PFDN2: variants seen among roughly 807,000 people sequenced by gnomAD.
The protein encoded by PFDN2 is prefoldin 2.
PFDN2 carries 7 observed loss-of-function variants against 18.3 expected under a neutral mutation model. The observed-to-expected ratio is 0.38, with a 90% CI of 0.22 to 0.72. PFDN2 has a LOEUF of 0.72. Among genes scored for constraint, PFDN2 ranks in the 30% least tolerant of loss-of-function variants. PFDN2 has a pLI of 0.47. For missense variants in PFDN2, 181 were observed against 199.1 expected (o/e 0.91, Z 0.55); for synonymous variants, 76 against 75.0 (o/e 1.01, Z -0.07).
At chr1:161,100,908 C>A in intron 3 of PFDN2, 49 bp from the exon 4 acceptor site, 1 of 1,415,272 alleles carries the variant, frequency 7.1e-7, no homozygotes. Context: ...GACTCCTTTC[C>A]CCCACCTGGA....
chr1:161,101,923 T>G, intron 3 of PFDN2, 125 bp downstream of exon 3: 1 of 877,806 alleles, frequency 1.1e-6, no homozygotes. Flanking sequence ...TGTAGTGATA[T>G]GGTTTCACCA....
intron 1 of PFDN2, among the ~76,000 whole-genome samples, chr1:161,116,426 A>G (rs1220127663): frequency 6.7e-6 from 1 of 149,094 alleles, no homozygotes; most frequent in Non-Finnish European, 1.5e-5. Context: ...AGGCACCAGA[A>G]TCTCTTGAAC....
In PFDN2 at chr1:161,101,446, G is replaced by A. The variant is rs532758484; in HGVS notation, c.289-587C>T. Reference sequence around the variant, plus strand: ...GACCTCCTGACCTCGTGATCCGCCCGCCTCGGCCTCCCAAAGTGCTGGGAT... The same window carrying A: ...GACCTCCTGACCTCGTGATCCGCCCACCTCGGCCTCCCAAAGTGCTGGGAT... On this transcript the variant is annotated intron_variant, in intron 3 of 3. Transcript: ENST00000368010. Among the ~76,000 whole-genome samples the A allele has an allele frequency of 9.2e-5, 14 of 152,176 alleles. No homozygotes were observed. The East Asian group carries it at 1.2e-3, about 13-fold the overall frequency.
At chr1:161,110,589 C>G (rs1654783000) in intron 1 of PFDN2, among the ~76,000 whole-genome samples, 1 of 152,010 alleles carries the variant, frequency 6.6e-6, no homozygotes, top group African/African-American at 2.4e-5. Flanking sequence ...GTCCTAGGGT[C>G]TTCTTACATG....
intron 1 of PFDN2, among the ~76,000 whole-genome samples, chr1:161,110,876 G>A (rs1274433379): frequency 8.4e-6 from 1 of 118,596 alleles, no homozygotes; most frequent in East Asian, 2.6e-4. Context: ...GTCTCGCTCT[G>A]TCGCCCAGGC....
At position 161,102,076 on chromosome 1, in the gene PFDN2, A is replaced by G; in HGVS notation, c.260T>C (p.Leu87Pro). Residue 87 changes from leucine (L) to proline (P), a missense_variant, in exon 3 of 4, where the codon CTG becomes CCG. Leu to Pro is a moderately conservative substitution (Grantham distance 98, BLOSUM62 -3). Transcript: ENST00000368010. ...CTCCTTGTTGTTCTCCAAAGCGGGC[A>G]GCACCTCTTTGACAGTTCGCTCCAC... ...VLVERTVKEVLPALENNKEQI... is the reference protein window; with the variant it reads ...VLVERTVKEVPPALENNKEQI... 1 of 1,614,198 alleles carries G rather than the reference A, an allele frequency of 6.2e-7. No homozygotes were observed.
intron 1 of PFDN2, among the ~76,000 whole-genome samples, chr1:161,103,256 A>G (rs901857848): frequency 1.3e-5 from 2 of 152,198 alleles, no homozygotes; most frequent in African/African-American, 4.8e-5. Context: ...TTGGTTCTGT[A>G]GAGATGACCT....
intron 3 of PFDN2, among the ~76,000 whole-genome samples, chr1:161,101,392 G>C (rs1002826065): frequency 2.0e-5 from 3 of 151,304 alleles, no homozygotes; most frequent in Non-Finnish European, 4.4e-5. Flanking sequence ...GTAGAGATGG[G>C]GTTTCACCAT....
chr1:161,103,452 G>C (rs963928248), intron 1 of PFDN2, among the ~76,000 whole-genome samples: 1 of 151,526 alleles, frequency 6.6e-6, no homozygotes, highest in East Asian at 1.9e-4. Context: ...CACTTTGGGA[G>C]GCCGAGGTGG....
At position 161,100,755 on chromosome 1, in the gene PFDN2, CTCA is replaced by C; in HGVS notation, c.390_392del (p.Asp130del). ...CTGAGTTTTCCTTGGCTGCTGGCTT[CTCA>C]TCTTCTCCCATGAGACGAATGTTGT... On this transcript the variant is annotated inframe_deletion, in exon 4 of 4. Coordinates refer to ENST00000368010, the MANE Select transcript of PFDN2 (RefSeq NM_012394.4). 1 of 1,614,142 alleles carries C rather than the reference CTCA, an allele frequency of 6.2e-7. No homozygotes were observed. The highest frequency in any genetic ancestry group is 8.5e-7 in the Non-Finnish European group (1 of 1,179,964).
Position 161,100,593 on chromosome 1 carries a change from A to T in PFDN2, c.*90T>A. On this transcript the variant is annotated 3_prime_UTR_variant, in exon 4 of 4. Coordinates refer to ENST00000368010, the MANE Select transcript of PFDN2 (RefSeq NM_012394.4). Reference sequence around the variant, plus strand: ...CAAAACATTTAATTAACAAAAAAATATTACAATAGCAGAGAAAATAATAAT... The same window carrying T: ...CAAAACATTTAATTAACAAAAAAATTTTACAATAGCAGAGAAAATAATAAT... The T allele has an allele frequency of 9.1e-6, 9 of 987,338 alleles. No homozygotes were observed. The highest frequency in any genetic ancestry group is 1.2e-5 in the Non-Finnish European group (8 of 688,538). The allele number at this position is 987,338 out of a possible 1,614,324, so 61.2% of individuals were successfully genotyped here.
intron 1 of PFDN2, among the ~76,000 whole-genome samples, chr1:161,106,337 G>A (rs1162859720): frequency 3.3e-5 from 5 of 152,022 alleles, no homozygotes; most frequent in Admixed American, 1.3e-4. Flanking sequence ...ACACAAGAAC[G>A]GCCTAATACA....
At chr1:161,107,573 G>C (rs1302124751) in intron 1 of PFDN2, among the ~76,000 whole-genome samples, 2 of 152,122 alleles carry the variant, frequency 1.3e-5, no homozygotes, top group African/African-American at 2.4e-5. Context: ...CCAGCAGTTT[G>C]GTAGGCCAAG....
intron 1 of PFDN2, among the ~76,000 whole-genome samples, chr1:161,103,803 T>C (rs1196931130): frequency 6.6e-6 from 1 of 151,616 alleles, no homozygotes; most frequent in East Asian, 1.9e-4. Flanking sequence ...TGTAATGGTC[T>C]TAAATGAAAC....
In PFDN2 at chr1:161,100,854, C is replaced by T; in HGVS notation, c.294G>A (p.Gln98=). 6.2e-7 allele frequency: 1 copy of T among 1,611,914 alleles called. No homozygotes were observed. Among genetic ancestry groups the T allele is most frequent in the Admixed American group, 1.7e-5 (1 of 60,012 alleles). Residue 98 remains glutamine (Q), a synonymous_variant, in exon 4 of 4, where the codon CAG becomes CAA. Coordinates refer to ENST00000368010, the MANE Select transcript of PFDN2 (RefSeq NM_012394.4). ...GCTGTGTCAGTGTCTCAATGATCTT[C>T]TGTATCTAGAGGACAAGTGACAGGG... ...PALENNKEQI[Q]KIIETLTQQL...
chr1:161,116,729 G>A (rs1400748487), intron 1 of PFDN2, among the ~76,000 whole-genome samples: 2 of 149,248 alleles, frequency 1.3e-5, no homozygotes, highest in Non-Finnish European at 3.0e-5. Context: ...ACTGGGCGTG[G>A]TGGTGCGGGC....
chr1:161,116,796 A>G (rs1339185935), intron 1 of PFDN2, among the ~76,000 whole-genome samples: 1 of 152,004 alleles, frequency 6.6e-6, no homozygotes, highest in Non-Finnish European at 1.5e-5. Context: ...CGGGAGGTGG[A>G]GGCTGTGGTG....
chr1:161,102,402 G>C, intron 1 of PFDN2, 27 bp from the exon 2 acceptor site: 1 of 1,581,256 alleles, frequency 6.3e-7, no homozygotes, highest in Non-Finnish European at 8.7e-7. Flanking sequence ...AGAGATGAAA[G>C]AGGGGATAGT....
chr1:161,105,364 C>A (rs1168287503), intron 1 of PFDN2, among the ~76,000 whole-genome samples: 1 of 152,182 alleles, frequency 6.6e-6, no homozygotes, highest in Non-Finnish European at 1.5e-5. Flanking sequence ...AATCCTCCCA[C>A]CCTGGCCTCC....
Sources: allele counts gnomAD v4.1 joint callset (sites outside exome capture counted in the v4.1 genomes callset), GRCh38; gene constraint gnomAD v4.1.1; transcripts MANE v1.5; gene names NCBI Gene and HGNC (gene_info 2026-07-23, HGNC 2026-07-21).